The following RAP1GAP variants were observed in gnomAD, a reference collection of about 807,000 sequenced individuals.
RAP1GAP encodes RAP1 GTPase activating protein.
A neutral mutation model predicts 87.2 loss-of-function variants in RAP1GAP; 35 were observed. The ratio of observed to expected loss-of-function variants is 0.40; its 90% CI spans 0.31 to 0.53. The LOEUF (loss-of-function observed/expected upper bound fraction) is 0.53, where lower values mean the gene tolerates loss of function less well. Among genes scored for constraint, RAP1GAP ranks in the 20% least tolerant of loss-of-function variants. The pLI is 0.48. For synonymous variants in RAP1GAP, 375 were observed against 363.9 expected (o/e 1.03, Z -0.35); for missense variants, 734 against 898.9 (o/e 0.82, Z 2.35).
At chr1:21,601,282 G>C (rs963342236) in intron 20 of RAP1GAP, among the ~76,000 whole-genome samples, 2 of 151,972 alleles carry the variant, frequency 1.3e-5, no homozygotes, top group African/African-American at 4.8e-5. Context: ...GGCTGGTTCA[G>C]TTCCCAATTC....
intron 6 of RAP1GAP, 76 bp downstream of exon 6, chr1:21,617,858 G>A (rs751479814): frequency 4.5e-5 from 71 of 1,589,354 alleles, no homozygotes; most frequent in Non-Finnish European, 5.6e-5. Flanking sequence ...TAAGGAGGAG[G>A]ACCTGGTATC....
At chr1:21,599,343 G>A (rs2066270926) in intron 21 of RAP1GAP, 151 bp downstream of exon 21, 1 of 1,113,634 alleles carries the variant, frequency 9.0e-7, no homozygotes. Context: ...TCTGAGCAGG[G>A]GAGGGTTCGT....
At chr1:21,614,703 G>A (rs866558119) in intron 7 of RAP1GAP, among the ~76,000 whole-genome samples, 2 of 152,134 alleles carry the variant, frequency 1.3e-5, no homozygotes, top group South Asian at 2.1e-4. Flanking sequence ...GGGTGGCTGC[G>A]GCAGGGATGG....
chr1:21,619,653 A>G (rs2085335187), intron 4 of RAP1GAP, among the ~76,000 whole-genome samples: 1 of 151,976 alleles, frequency 6.6e-6, no homozygotes, highest in South Asian at 2.1e-4. Context: ...GGCCCCCAGC[A>G]TCTGTCCCCT....
intron 2 of RAP1GAP, among the ~76,000 whole-genome samples, chr1:21,632,056 A>G (rs1208590915): frequency 6.6e-6 from 1 of 152,116 alleles, no homozygotes; most frequent in East Asian, 1.9e-4. Context: ...AGAGGAGGTG[A>G]CCCGCCCAAG....
chr1:21,622,687 C>T lies in RAP1GAP; in HGVS notation c.-18-2637G>A, dbSNP rs1025144882. ...CGGCCCGCGGCCCCGGGACACCGCG[C>T]CTGCGCGTTCCGGCCCGAGCGCTAG... On this transcript the variant is annotated intron_variant, in intron 3 of 24. Coordinates refer to ENST00000374765, the MANE Select transcript of RAP1GAP (RefSeq NM_002885.4). This position sits in a 1 kb window ranked among gnomAD's most constrained non-coding sequence, Gnocchi z 5.7. The T allele has an allele frequency of 6.6e-6, 1 of 150,700 alleles. No individual in the cohort carries two copies. The highest frequency in any genetic ancestry group is 2.4e-5 in the African/African-American group (1 of 41,260). 9.3% of individuals were successfully genotyped at this position (150,700 alleles called of 1,614,324 possible).
At chr1:21,653,733 G>A (rs748651243) in intron 1 of RAP1GAP, among the ~76,000 whole-genome samples, 51 of 152,056 alleles carry the variant, frequency 3.4e-4, no homozygotes, top group Non-Finnish European at 6.2e-4. Context: ...GCAGAGGACT[G>A]AAGAGCTAGG....
intron 2 of RAP1GAP, among the ~76,000 whole-genome samples, chr1:21,644,696 G>C (rs550175232): frequency 6.6e-6 from 1 of 151,966 alleles, no homozygotes; most frequent in East Asian, 1.9e-4. Flanking sequence ...TCAGGAGCTC[G>C]AAACCAGCCT....
intron 19 of RAP1GAP, 46 bp downstream of exon 19, chr1:21,602,757 AG>A (rs1184099328): frequency 1.6e-5 from 24 of 1,513,244 alleles, no homozygotes; most frequent in Non-Finnish European, 1.9e-5. Flanking sequence ...AATGGGGCTC[AG>A]GGATGGGGAT....
intron 1 of RAP1GAP, among the ~76,000 whole-genome samples, chr1:21,654,321 T>C (rs1329750998): frequency 6.6e-6 from 1 of 152,194 alleles, no homozygotes; most frequent in Non-Finnish European, 1.5e-5. Context: ...ATCCTCACCG[T>C]TGAAGGCTAA....
intron 1 of RAP1GAP, among the ~76,000 whole-genome samples, chr1:21,663,375 G>A (rs1028141187): frequency 6.6e-6 from 1 of 152,230 alleles, no homozygotes; most frequent in Non-Finnish European, 1.5e-5. Flanking sequence ...GCCAGCGGGT[G>A]GATGGCCTCT....
chr1:21,627,594 T>C (rs185890155), intron 2 of RAP1GAP, among the ~76,000 whole-genome samples: 1 of 152,110 alleles, frequency 6.6e-6, no homozygotes, highest in East Asian at 1.9e-4. Flanking sequence ...TTTGTATTTT[T>C]AGTAGAGACG....
At chr1:21,599,373 C>T (rs1570390245) in intron 21 of RAP1GAP, 121 bp downstream of exon 21, 12 of 1,414,202 alleles carry the variant, frequency 8.5e-6, no homozygotes, top group African/African-American at 5.7e-5. Flanking sequence ...TCCTTTGGGC[C>T]GGGTCCCCTG....
At position 21,614,135 on chromosome 1, in the gene RAP1GAP, G is replaced by A. The variant is rs759508935; in HGVS notation, c.292-46C>T. 14 of 1,367,504 alleles carry A rather than the reference G, an allele frequency of 1.0e-5. No homozygotes were observed. The Admixed American group carries it at 2.4e-4, about 23-fold the overall frequency. The allele number at this position is 1,367,504 out of a possible 1,614,324, so 84.7% of individuals were successfully genotyped here. On this transcript the variant is annotated intron_variant, in intron 7 of 24. Transcript: ENST00000374765. ...CAGGGGAGTGGGTGAGGCTGAGCAT[G>A]GGGCTTTTGGAAACAAGGCCAGAAA...
At position 21,601,908 on chromosome 1, in the gene RAP1GAP, G is replaced by A. The variant is rs146860908; in HGVS notation, c.1539-111C>T. 1.2e-4 allele frequency: 86 copies of A among 694,426 alleles called. No individual in the cohort carries two copies. The African/African-American group carries it at 1.4e-3, about 11-fold the overall frequency. 43.0% of individuals were successfully genotyped at this position (694,426 alleles called of 1,614,324 possible). A position where few individuals can be genotyped will look rare whatever the true frequency, so the allele number is the denominator to read the frequency against. On this transcript the variant is annotated intron_variant, in intron 19 of 24. Transcript: ENST00000374765. Reference sequence around the variant, plus strand: ...ACGGTGCCTCCTGCCTCATACCCACGCCCCTATACTCAGGGCCAGCCCTGG... The same window carrying A: ...ACGGTGCCTCCTGCCTCATACCCACACCCCTATACTCAGGGCCAGCCCTGG...
chr1:21,600,884 C>CAAAAAAAA lies in RAP1GAP; in HGVS notation c.1652+792_1652+799dup, dbSNP rs55668367. Among the ~76,000 whole-genome samples, 29 of 53,014 alleles carry CAAAAAAAA rather than the reference C, an allele frequency of 5.5e-4. 2 individuals carry two copies. The highest frequency in any genetic ancestry group is 4.2e-3 in the South Asian group (6 of 1,422). The allele number at this position is 53,014 out of a possible 152,430, so 34.8% of individuals were successfully genotyped here. On this transcript the variant is annotated intron_variant, in intron 20 of 24. Coordinates refer to ENST00000374765, the MANE Select transcript of RAP1GAP (RefSeq NM_002885.4). ...TGGGAGACAGAGCAAGACTCTGTCT[C>CAAAAAAAA]AAAAAAAAAAAAAAAGTCAAAGCTC...
intron 2 of RAP1GAP, among the ~76,000 whole-genome samples, chr1:21,639,326 T>C (rs1329332565): frequency 6.6e-6 from 1 of 152,128 alleles, no homozygotes; most frequent in Non-Finnish European, 1.5e-5. Context: ...AACCTGTTTG[T>C]GGATGGATTT....
chr1:21,648,042 G>T (rs1172611547), intron 2 of RAP1GAP, among the ~76,000 whole-genome samples: 4 of 152,234 alleles, frequency 2.6e-5, no homozygotes, highest in African/African-American at 9.6e-5. Context: ...CGCATGGGCT[G>T]GAGTTAAGCG....
At position 21,603,730 on chromosome 1, in the gene RAP1GAP, C is replaced by T. The variant is rs984954158; in HGVS notation, c.1429-817G>A. On this transcript the variant is annotated intron_variant, in intron 18 of 24. Transcript: ENST00000374765. This position sits in a 1 kb window ranked among gnomAD's most constrained non-coding sequence, Gnocchi z 6.0. ...ATCCCGCACGCCCTGGGGCCTGTCC[C>T]GGGGGCAGAGGGGCAACGTCCCCAA... is the stretch of plus-strand genomic sequence containing the variant. 3.9e-6 allele frequency: 5 copies of T among 1,291,594 alleles called. No homozygotes were observed. Among genetic ancestry groups the T allele is most frequent in the Non-Finnish European group, 4.5e-6 (4 of 891,526 alleles). The allele number at this position is 1,291,594 out of a possible 1,614,324, so 80.0% of individuals were successfully genotyped here. A position where few individuals can be genotyped will look rare whatever the true frequency, so the allele number is the denominator to read the frequency against.
Sources: gnomAD v4.1 joint callset for allele counts (sites outside exome capture counted in the v4.1 genomes callset) on GRCh38, gnomAD v4.1.1 for gene constraint, Gnocchi (gnomAD v3.1) non-coding constraint, MANE v1.5 for transcripts, NCBI Gene and HGNC (gene_info 2026-07-23, HGNC 2026-07-21) for gene names.